ATP6V1A: variants seen among roughly 807,000 people sequenced by gnomAD.
ATP6V1A encodes the protein V-type proton ATPase catalytic subunit A.
Under a neutral mutation model 70.1 loss-of-function variants are expected in ATP6V1A, and 18 were observed. The observed-to-expected ratio is 0.26, with a 90% CI of 0.18 to 0.38. The LOEUF is 0.38. Ranked by LOEUF, ATP6V1A falls within the 10% of genes least tolerant of loss-of-function variation. ATP6V1A has a pLI of 1.00. For synonymous variants in ATP6V1A, 232 were observed against 253.8 expected (o/e 0.91, Z 0.82); for missense variants, 424 against 772.4 (o/e 0.55, Z 5.35).
chr3:113,804,585 CAATGGAAGGATTACCAG>C (rs1252342702), intron 13 of ATP6V1A, among the ~76,000 whole-genome samples: 1 of 152,038 alleles, frequency 6.6e-6, no homozygotes, highest in Non-Finnish European at 1.5e-5. Context: ...GGAACTGAGC[CAATGGAAGGATTACCAG>C]AATGTAGGGC....
chr3:113,782,769 C>T lies in ATP6V1A; in HGVS notation c.212-1455C>T, dbSNP rs148586762. ...TCCCAAGTAGCTGGGATTACAGGCA[C>T]GTGCCAGCATGCCCGGCTAATTTTT... On this transcript the variant is annotated intron_variant, in intron 3 of 14. Coordinates refer to ENST00000273398, the MANE Select transcript of ATP6V1A (RefSeq NM_001690.4). Among the ~76,000 whole-genome samples, 676 of 151,600 alleles carry T rather than the reference C, an allele frequency of 4.5e-3. 8 individuals are homozygous for T. The highest frequency in any genetic ancestry group is 0.014 in the African/African-American group (565 of 41,346).
At chr3:113,760,145 G>C (rs1321397011) in intron 1 of ATP6V1A, among the ~76,000 whole-genome samples, 1 of 152,098 alleles carries the variant, frequency 6.6e-6, no homozygotes, top group Non-Finnish European at 1.5e-5. Flanking sequence ...TAGTATACTA[G>C]GTAAACTGTT....
At position 113,798,324 on chromosome 3, in the gene ATP6V1A, A is replaced by G. The variant is rs1709175340; in HGVS notation, c.1372A>G (p.Met458Val). 6.2e-7 allele frequency: 1 copy of G among 1,613,888 alleles called. No individual in the cohort carries two copies. The highest frequency in any genetic ancestry group is 1.3e-5 in the African/African-American group (1 of 74,898). The change falls in exon 12 of 15, where the codon ATG becomes GTG. Residue 458 changes from methionine (M) to valine (V), a missense_variant. Coordinates refer to ENST00000273398, the MANE Select transcript of ATP6V1A (RefSeq NM_001690.4). The stretch of plus-strand genomic sequence containing the variant: ...TTGGCTCATCAGCTACAGCAAGTAT[A>G]TGCGTGCCTTGGATGAATACTATGA... ...VNWLISYSKYMRALDEYYDKH... is the reference protein window; with the variant it reads ...VNWLISYSKYVRALDEYYDKH...
At chr3:113,760,471 G>A (rs1020186702) in intron 1 of ATP6V1A, among the ~76,000 whole-genome samples, 1 of 152,224 alleles carries the variant, frequency 6.6e-6, no homozygotes, top group Non-Finnish European at 1.5e-5. Flanking sequence ...GCTTACGCCT[G>A]TAATCCCAGC....
rs1709074174 is a variant in ATP6V1A, at chr3:113,789,939, ATC to A, written c.988+103_988+104del. On this transcript the variant is annotated intron_variant, in intron 8 of 14. Coordinates refer to ENST00000273398, the MANE Select transcript of ATP6V1A (RefSeq NM_001690.4). ...GAGCTTTTTACTTTCATTCTAAAAT[ATC>A]TCTGTACATATAAGCACATTCCTAG... The A allele has an allele frequency of 1.9e-5, 16 of 843,800 alleles. No individual in the cohort carries two copies. The Admixed American group carries it at 3.4e-4, about 18-fold the overall frequency. The allele number at this position is 843,800 out of a possible 1,614,324, so 52.3% of individuals were successfully genotyped here.
intron 1 of ATP6V1A, among the ~76,000 whole-genome samples, chr3:113,762,697 C>A (rs1708719504): frequency 6.6e-6 from 1 of 152,036 alleles, no homozygotes; most frequent in African/African-American, 2.4e-5. Flanking sequence ...TGATGACAGT[C>A]CTTGGCACTA....
chr3:113,789,022 A>G (rs1178266145), intron 7 of ATP6V1A, 147 bp downstream of exon 7: 2 of 740,810 alleles, frequency 2.7e-6, no homozygotes, highest in Non-Finnish European at 4.3e-6. Context: ...TTTGTAATTA[A>G]TCTGTATATT....
intron 1 of ATP6V1A, among the ~76,000 whole-genome samples, chr3:113,757,019 C>T (rs1338982430): frequency 6.6e-6 from 1 of 152,160 alleles, no homozygotes; most frequent in African/African-American, 2.4e-5. Flanking sequence ...GAATATAACA[C>T]ACTTGGTTTC....
At chr3:113,800,621 T>G (rs965600435) in intron 12 of ATP6V1A, among the ~76,000 whole-genome samples, 2 of 152,166 alleles carry the variant, frequency 1.3e-5, no homozygotes, top group East Asian at 3.9e-4. Context: ...TCCAGATAGA[T>G]TCATAATTTA....
intron 3 of ATP6V1A, among the ~76,000 whole-genome samples, chr3:113,782,263 A>G (rs969672825): frequency 3.9e-5 from 6 of 152,146 alleles, no homozygotes; most frequent in African/African-American, 1.4e-4. Context: ...AATTGTGACT[A>G]ATCAGAAATA....
intron 1 of ATP6V1A, among the ~76,000 whole-genome samples, chr3:113,758,560 A>G (rs1054730137): frequency 5.9e-5 from 9 of 152,156 alleles, no homozygotes; most frequent in Non-Finnish European, 1.3e-4. Context: ...GATATACCAT[A>G]GTTTGTTTAT....
At chr3:113,764,394 G>T (rs535032379) in intron 1 of ATP6V1A, among the ~76,000 whole-genome samples, 1 of 152,054 alleles carries the variant, frequency 6.6e-6, no homozygotes, top group Non-Finnish European at 1.5e-5. Context: ...ACTGTGTAGC[G>T]CATAGAAAAA....
intron 1 of ATP6V1A, among the ~76,000 whole-genome samples, chr3:113,755,567 G>A (rs1708639248): frequency 6.6e-6 from 1 of 152,106 alleles, no homozygotes; most frequent in South Asian, 2.1e-4. Flanking sequence ...TGCCACTGCA[G>A]ACCCTGGGTG....
intron 1 of ATP6V1A, among the ~76,000 whole-genome samples, chr3:113,770,935 A>G (rs907055093): frequency 6.6e-6 from 1 of 152,062 alleles, no homozygotes; most frequent in Non-Finnish European, 1.5e-5. Flanking sequence ...TCTACTAAAA[A>G]TACAAAAAAA....
In ATP6V1A at chr3:113,795,950, C is replaced by G; in HGVS notation, c.1290+11C>G. 6.2e-7 allele frequency: 1 copy of G among 1,600,974 alleles called. No individual in the cohort carries two copies. The highest frequency in any genetic ancestry group is 1.8e-5 in the Admixed American group (1 of 57,076). On this transcript the variant is annotated intron_variant, in intron 11 of 14. Coordinates refer to ENST00000273398, the MANE Select transcript of ATP6V1A (RefSeq NM_001690.4). ...CTTGGTATCGTTCAGGTATGTCTTT[C>G]CCTAGTATAGTCAACTTCTGAGCCT... is the stretch of plus-strand genomic sequence containing the variant.
chr3:113,770,338 T>C (rs1193674374), intron 1 of ATP6V1A, among the ~76,000 whole-genome samples: 1 of 152,054 alleles, frequency 6.6e-6, no homozygotes, highest in Non-Finnish European at 1.5e-5. Flanking sequence ...GCATGAATTA[T>C]CGAGACTGGC....
intron 1 of ATP6V1A, among the ~76,000 whole-genome samples, chr3:113,762,052 T>C (rs9814872): frequency 7.8e-6 from 1 of 127,494 alleles, no homozygotes; most frequent in African/African-American, 2.9e-5. Flanking sequence ...CTCTGGAGGC[T>C]GAAGCAGGAG....
At chr3:113,753,918 A>T (rs886830424) in intron 1 of ATP6V1A, among the ~76,000 whole-genome samples, 1 of 151,972 alleles carries the variant, frequency 6.6e-6, no homozygotes, top group Non-Finnish European at 1.5e-5. Context: ...GCCATCATGT[A>T]TCTTAAGAAA....
At chr3:113,780,811 G>A in intron 2 of ATP6V1A, 1 of 1,337,650 alleles carries the variant, frequency 7.5e-7, no homozygotes, top group Admixed American at 2.3e-5. Context: ...AACTTGAAAT[G>A]TTTGAAAAGT....
Sources: allele counts gnomAD v4.1 joint callset (sites outside exome capture counted in the v4.1 genomes callset), GRCh38; gene constraint gnomAD v4.1.1; transcripts MANE v1.5; gene names NCBI Gene and HGNC (gene_info 2026-07-23, HGNC 2026-07-21).